Variants in SNX24 observed in about 807,000 individuals in gnomAD.
The protein encoded by SNX24 is sorting nexin 24, also known as sorting nexin-24.
In SNX24, 22 loss-of-function variants were observed where a neutral mutation model predicts 28.7. The observed-to-expected ratio is 0.77, with a 90% CI of 0.55 to 1.10. SNX24 has a LOEUF of 1.10. SNX24 is among the 50% of genes least tolerant of loss of function. SNX24 has a pLI of 0.00. For missense variants in SNX24, 221 were observed against 201.1 expected (o/e 1.10, Z -0.60); for synonymous variants, 69 against 71.5 (o/e 0.96, Z 0.18).
chr5:122,863,501 C>T (rs2438150), intron 1 of SNX24, among the ~76,000 whole-genome samples: 97,733 of 150,898 alleles, frequency 0.65, 32,396 homozygotes, highest in African/African-American at 0.79. Context: ...TGGTAGGCAG[C>T]AATAAGGACG....
chr5:122,959,373 T>C (rs1760372764), intron 3 of SNX24, among the ~76,000 whole-genome samples: 1 of 150,304 alleles, frequency 6.7e-6, no homozygotes, highest in South Asian at 2.1e-4. Context: ...AAATGTTTTA[T>C]TTTATATATA....
intron 3 of SNX24, among the ~76,000 whole-genome samples, chr5:122,966,474 A>G (rs1263009382): frequency 6.6e-6 from 1 of 152,116 alleles, no homozygotes; most frequent in Non-Finnish European, 1.5e-5. Flanking sequence ...GCTACCATAG[A>G]TGATACATAA....
At chr5:122,936,221 A>G (rs894502478) in intron 1 of SNX24, among the ~76,000 whole-genome samples, 1 of 152,220 alleles carries the variant, frequency 6.6e-6, no homozygotes, top group African/African-American at 2.4e-5. Flanking sequence ...ACAGCAGAAT[A>G]AGCCCAGCTG....
intron 1 of SNX24, among the ~76,000 whole-genome samples, chr5:122,876,062 C>T (rs1756207274): frequency 6.6e-6 from 1 of 152,224 alleles, no homozygotes; most frequent in South Asian, 2.1e-4. Context: ...CCAGGCTGGT[C>T]TCAAACTCCT....
chr5:122,938,601 C>T (rs1561626472), intron 2 of SNX24, among the ~76,000 whole-genome samples: 1 of 152,202 alleles, frequency 6.6e-6, no homozygotes, highest in Admixed American at 6.5e-5. Context: ...GTCTCCTTTA[C>T]TTGCCCCCTT....
At chr5:123,017,951 A>G (rs932256626) in intron 5 of SNX24, among the ~76,000 whole-genome samples, 1 of 152,082 alleles carries the variant, frequency 6.6e-6, no homozygotes, top group Admixed American at 6.6e-5. Context: ...GAACATACTT[A>G]CTGAACATTA....
intron 1 of SNX24, among the ~76,000 whole-genome samples, chr5:122,891,993 C>T (rs1014144576): frequency 3.3e-5 from 5 of 151,922 alleles, no homozygotes; most frequent in Non-Finnish European, 5.9e-5. Flanking sequence ...ATCGTGAGGA[C>T]CTTCACAAAT....
At chr5:122,943,615 A>G (rs1025193648) in intron 2 of SNX24, among the ~76,000 whole-genome samples, 16 of 152,100 alleles carry the variant, frequency 1.1e-4, no homozygotes, top group African/African-American at 3.6e-4. Flanking sequence ...TTGCTGGCTG[A>G]ACACCAGAGG....
At chr5:122,913,365 C>G (rs978957389) in intron 1 of SNX24, among the ~76,000 whole-genome samples, 1 of 151,510 alleles carries the variant, frequency 6.6e-6, no homozygotes, top group Admixed American at 6.6e-5. Context: ...CACCTCCCTC[C>G]CGGACGGGGC....
intron 3 of SNX24, among the ~76,000 whole-genome samples, chr5:122,960,391 TA>T (rs1369934615): frequency 6.6e-6 from 1 of 152,210 alleles, no homozygotes; most frequent in East Asian, 1.9e-4. Flanking sequence ...TTTTAGTCCC[TA>T]AACTATTTTG....
Position 122,886,754 on chromosome 5 carries a change from C to T in SNX24, c.60+41061C>T, listed in dbSNP as rs575341015. ...CTGAGGCAGGAGAATTGCTTGAACC[C>T]GGGAGGCGGAGGTTGCAGTGAGCCA... On this transcript the variant is annotated intron_variant, in intron 1 of 6. Coordinates refer to ENST00000261369, the MANE Select transcript of SNX24 (RefSeq NM_014035.4). Among the ~76,000 whole-genome samples the T allele has an allele frequency of 1.4e-3, 215 of 151,740 alleles. 1 individual carries two copies. The highest frequency in any genetic ancestry group is 5.0e-3 in the African/African-American group (205 of 41,372).
chr5:122,871,169 T>G (rs1755958662), intron 1 of SNX24, among the ~76,000 whole-genome samples: 1 of 152,172 alleles, frequency 6.6e-6, no homozygotes, highest in Non-Finnish European at 1.5e-5. Flanking sequence ...ATTAATAAGT[T>G]AGTTCAGTAG....
intron 1 of SNX24, among the ~76,000 whole-genome samples, chr5:122,868,826 C>CAGAA (rs1223949039): frequency 2.6e-5 from 4 of 152,126 alleles, no homozygotes; most frequent in Non-Finnish European, 5.9e-5. Flanking sequence ...AACACTCTTA[C>CAGAA]AGAAACACCC....
chr5:122,940,310 A>C (rs1361529912), intron 2 of SNX24, among the ~76,000 whole-genome samples: 1 of 151,976 alleles, frequency 6.6e-6, no homozygotes, highest in Non-Finnish European at 1.5e-5. Context: ...TTCATTTTCT[A>C]TTCCTACCAT....
At chr5:122,958,259 A>AT (rs965444739) in intron 3 of SNX24, among the ~76,000 whole-genome samples, 18 of 58,984 alleles carry the variant, frequency 3.1e-4, no homozygotes, top group Non-Finnish European at 4.4e-4. Flanking sequence ...CAAAAAAAAA[A>AT]TTTTTTTTTT....
intron 3 of SNX24, among the ~76,000 whole-genome samples, chr5:122,949,152 T>C (rs1759825970): frequency 6.6e-6 from 1 of 152,212 alleles, no homozygotes; most frequent in Admixed American, 6.5e-5. Flanking sequence ...TGTTTTGGCA[T>C]CTGTACTTTT....
chr5:122,937,842 A>C (rs1759243024), intron 2 of SNX24, among the ~76,000 whole-genome samples: 1 of 152,212 alleles, frequency 6.6e-6, no homozygotes, highest in Non-Finnish European at 1.5e-5. Context: ...AGGGTGCTCC[A>C]AAGAGAAACA....
intron 3 of SNX24, among the ~76,000 whole-genome samples, chr5:122,975,871 A>G (rs914566310): frequency 6.6e-6 from 1 of 152,220 alleles, no homozygotes; most frequent in Non-Finnish European, 1.5e-5. Flanking sequence ...TCATTCCCAT[A>G]TACCTTTAAG....
intron 3 of SNX24, among the ~76,000 whole-genome samples, chr5:122,963,688 C>G (rs1224525594): frequency 6.6e-6 from 1 of 152,134 alleles, no homozygotes; most frequent in Admixed American, 6.5e-5. Flanking sequence ...AAAGAACTAG[C>G]TTTTGTAGTG....
Sources: gnomAD v4.1 joint callset for allele counts (sites outside exome capture counted in the v4.1 genomes callset) on GRCh38, gnomAD v4.1.1 for gene constraint, MANE v1.5 for transcripts, NCBI Gene and HGNC (gene_info 2026-07-23, HGNC 2026-07-21) for gene names.